Variants in OR14A2 observed in about 807,000 individuals in gnomAD.
The protein encoded by OR14A2 is olfactory receptor 14A2.
For synonymous variants in OR14A2, 114 were observed against 58.6 expected (o/e 1.95, Z -4.32); for missense variants, 237 against 152.9 (o/e 1.55, Z -2.90).
chr1:247,735,769 G>A, the OR14A2 span, among the ~76,000 whole-genome samples: 1 of 152,094 alleles, frequency 6.6e-6, no homozygotes, highest in Non-Finnish European at 1.5e-5. Flanking sequence ...CAAAATCGTC[G>A]TGAGTTTAAC....
At chr1:247,733,158 C>A in the OR14A2 span, among the ~76,000 whole-genome samples, 4 of 152,146 alleles carry the variant, frequency 2.6e-5, no homozygotes, top group African/African-American at 7.2e-5. Flanking sequence ...TTTATTATTT[C>A]TGTGGCTTTC....
At chr1:247,728,941 G>A (rs1204859119), upstream of OR14A2, among the ~76,000 whole-genome samples, 2 of 152,022 alleles carry the variant, frequency 1.3e-5, no homozygotes, top group Admixed American at 6.6e-5. Flanking sequence ...TGTCAACATA[G>A]CACATGGTTC....
the OR14A2 span, among the ~76,000 whole-genome samples, chr1:247,735,731 T>C: frequency 6.6e-6 from 1 of 152,146 alleles, no homozygotes; most frequent in Non-Finnish European, 1.5e-5. Context: ...AAATAAATAC[T>C]GATACGTAGA....
At chr1:247,724,066 T>C (rs961452643), upstream of OR14A2, 5 of 662,888 alleles carry the variant, frequency 7.5e-6, no homozygotes, top group African/African-American at 5.6e-5. Context: ...TCAGTGCCTG[T>C]CAAGGTGAGA....
upstream of OR14A2, among the ~76,000 whole-genome samples, chr1:247,728,132 T>G (rs1302193061): frequency 1.3e-5 from 2 of 151,494 alleles, no homozygotes; most frequent in East Asian, 3.9e-4. Flanking sequence ...AAAGAGAATT[T>G]TAGACCAATA....
At chr1:247,731,175 A>C in the OR14A2 span, among the ~76,000 whole-genome samples, 1 of 151,942 alleles carries the variant, frequency 6.6e-6, no homozygotes, top group African/African-American at 2.4e-5. Flanking sequence ...AGGCTTTTTT[A>C]ATCTAGTGCT....
chr1:247,734,806 G>A, the OR14A2 span, among the ~76,000 whole-genome samples: 14 of 152,176 alleles, frequency 9.2e-5, no homozygotes, highest in Admixed American at 9.2e-4. Context: ...AATGAATGTG[G>A]GGTGTCCACA....
the OR14A2 span, among the ~76,000 whole-genome samples, chr1:247,737,632 G>A: frequency 7.2e-5 from 11 of 152,066 alleles, no homozygotes; most frequent in African/African-American, 1.9e-4. Flanking sequence ...TTTCTGTTCT[G>A]TGTGTTTTAG....
chr1:247,740,522 C>T, the OR14A2 span, among the ~76,000 whole-genome samples: 2 of 152,214 alleles, frequency 1.3e-5, no homozygotes, highest in African/African-American at 2.4e-5. Context: ...TTTTTCTCTT[C>T]ATTAAAACTT....
At chr1:247,734,601 T>C in the OR14A2 span, among the ~76,000 whole-genome samples, 1 of 152,186 alleles carries the variant, frequency 6.6e-6, no homozygotes, top group Admixed American at 6.5e-5. Context: ...AAATACTCAA[T>C]GTTGCTAAAA....
At chr1:247,735,737 G>A in the OR14A2 span, among the ~76,000 whole-genome samples, 4 of 152,092 alleles carry the variant, frequency 2.6e-5, no homozygotes, top group Non-Finnish European at 5.9e-5. Flanking sequence ...ATACTGATAC[G>A]TAGAGGACAG....
chr1:247,747,050 A>G, the OR14A2 span: 2 of 152,196 alleles, frequency 1.3e-5, no homozygotes, highest in African/African-American at 4.8e-5. Flanking sequence ...TACAAGCTTT[A>G]ATTTCATTTC....
At chr1:247,744,286 G>A in the OR14A2 span, among the ~76,000 whole-genome samples, 2,393 of 152,134 alleles carry the variant, frequency 0.016, 70 homozygotes, top group African/African-American at 0.054. This position sits in a 1 kb window ranked among gnomAD's most constrained non-coding sequence, Gnocchi z 4.3. Flanking sequence ...ACATATACAT[G>A]TGATAGCTGG....
At chr1:247,738,949 T>G in the OR14A2 span, 2 of 780,694 alleles carry the variant, frequency 2.6e-6, no homozygotes, top group South Asian at 2.7e-5. Flanking sequence ...GAGATTGGCA[T>G]CCTTACTGCC....
At chr1:247,734,343 T>C in the OR14A2 span, among the ~76,000 whole-genome samples, 1 of 152,266 alleles carries the variant, frequency 6.6e-6, no homozygotes, top group South Asian at 2.1e-4. Context: ...ATCTCAGATG[T>C]GCAGCCTCCA....
At chr1:247,738,169 T>A in the OR14A2 span, among the ~76,000 whole-genome samples, 1 of 152,302 alleles carries the variant, frequency 6.6e-6, no homozygotes, top group South Asian at 2.1e-4. Flanking sequence ...GGATAATGAC[T>A]ATTTTAAATA....
exon 1 of OR14A2, chr1:247,723,137 G>T (rs1205983461): frequency 1.4e-6 from 1 of 717,108 alleles, no homozygotes; most frequent in African/African-American, 1.7e-5. Flanking sequence ...GTTTTCTGCA[G>T]CAACCTTATC....
chr1:247,725,564 G>A (rs1660326842), upstream of OR14A2, among the ~76,000 whole-genome samples: 1 of 144,940 alleles, frequency 6.9e-6, no homozygotes, highest in South Asian at 2.2e-4. Flanking sequence ...AAGTTTTAGG[G>A]TACATGTGCA....
chr1:247,742,458 A>G, the OR14A2 span, among the ~76,000 whole-genome samples: 1 of 149,514 alleles, frequency 6.7e-6, no homozygotes, highest in Non-Finnish European at 1.5e-5. Context: ...TTGAGATAAT[A>G]CACACACACA....
Sources: allele counts gnomAD v4.1 joint callset (sites outside exome capture counted in the v4.1 genomes callset), GRCh38; gene constraint gnomAD v4.1.1; non-coding constraint Gnocchi (gnomAD v3.1); transcripts MANE v1.5; gene names NCBI Gene and HGNC (gene_info 2026-07-23, HGNC 2026-07-21).